CATSPERQ: variants seen among roughly 807,000 people sequenced by gnomAD.
The protein encoded by CATSPERQ is catsper channel auxiliary subunit theta, also known as cation channel sperm-associated auxiliary subunit theta.
chr8:144,354,478 G>T, the CATSPERQ span: 2 of 1,324,960 alleles, frequency 1.5e-6, no homozygotes, highest in Non-Finnish European at 2.0e-6. This position sits in a 1 kb window ranked among gnomAD's most constrained non-coding sequence, Gnocchi z 4.6. Context: ...CAGGAGCACC[G>T]GCCGGCCCCA....
chr8:144,353,686 C>T, the CATSPERQ span: 1 of 1,499,724 alleles, frequency 6.7e-7, no homozygotes, highest in Non-Finnish European at 8.9e-7. Context: ...TGTATTTACC[C>T]TCTGCGTGCG....
the CATSPERQ span, chr8:144,354,246 G>A: frequency 6.5e-6 from 10 of 1,541,462 alleles, no homozygotes; most frequent in East Asian, 1.9e-4. The surrounding 1 kb of genome is among the most constrained non-coding windows in gnomAD (Gnocchi z 4.6). Context: ...CCTCTCTCAG[G>A]GAGCTGAAGC....
chr8:144,354,412 G>T, the CATSPERQ span: 1 of 1,432,920 alleles, frequency 7.0e-7, no homozygotes, highest in Non-Finnish European at 9.4e-7. This position sits in a 1 kb window ranked among gnomAD's most constrained non-coding sequence, Gnocchi z 4.6. Flanking sequence ...GCCCGGACTA[G>T]CTGGGTCCGC....
chr8:144,354,177 C>A, the CATSPERQ span: 48 of 1,539,768 alleles, frequency 3.1e-5, no homozygotes, highest in African/African-American at 6.3e-4. The surrounding 1 kb of genome is among the most constrained non-coding windows in gnomAD (Gnocchi z 4.6). Context: ...AGAGTCTGAG[C>A]GGCGCGGGGC....
chr8:144,353,446 C>G, the CATSPERQ span: 4 of 1,535,954 alleles, frequency 2.6e-6, no homozygotes, highest in Admixed American at 7.8e-5. Context: ...TGGCGAACCA[C>G]GTGCCGGTAG....
At chr8:144,354,211 T>G in the CATSPERQ span, 1 of 1,546,026 alleles carries the variant, frequency 6.5e-7, no homozygotes, top group South Asian at 1.2e-5. The surrounding 1 kb of genome is among the most constrained non-coding windows in gnomAD (Gnocchi z 4.6). Flanking sequence ...AGGAGGGCGG[T>G]GGGGGTCGGG....
chr8:144,354,749 C>T, the CATSPERQ span: 14 of 1,535,344 alleles, frequency 9.1e-6, no homozygotes, highest in South Asian at 1.2e-5. The surrounding 1 kb of genome is among the most constrained non-coding windows in gnomAD (Gnocchi z 4.6). Flanking sequence ...GGCAGGCTGC[C>T]GGCCCGGCCC....
At chr8:144,353,915 C>T in the CATSPERQ span, 2 of 1,528,418 alleles carry the variant, frequency 1.3e-6, no homozygotes, top group Non-Finnish European at 1.8e-6. Context: ...ACCTCCCAAG[C>T]TGCCTCCCCG....
At chr8:144,354,576 C>CCA in the CATSPERQ span, 1 of 597,530 alleles carries the variant, frequency 1.7e-6, no homozygotes, top group African/African-American at 2.0e-5. This position sits in a 1 kb window ranked among gnomAD's most constrained non-coding sequence, Gnocchi z 4.6. Context: ...CCCGCCCTTC[C>CCA]CAGCCCCGCC....
chr8:144,354,756 G>T, the CATSPERQ span: 1 of 1,535,162 alleles, frequency 6.5e-7, no homozygotes. The surrounding 1 kb of genome is among the most constrained non-coding windows in gnomAD (Gnocchi z 4.6). Flanking sequence ...TGCCGGCCCG[G>T]CCCTTAGGCA....
At chr8:144,353,656 C>T in the CATSPERQ span, 1 of 1,463,420 alleles carries the variant, frequency 6.8e-7, no homozygotes, top group Non-Finnish European at 9.2e-7. Context: ...CTCCACGGCC[C>T]CCAGCACCGA....
At chr8:144,353,427 G>A in the CATSPERQ span, 2 of 1,535,936 alleles carry the variant, frequency 1.3e-6, no homozygotes, top group Middle Eastern at 1.7e-4. Context: ...AGCGCCAGGG[G>A]GTGGCCAGTG....
the CATSPERQ span, chr8:144,354,816 C>T: frequency 2.6e-6 from 4 of 1,518,940 alleles, no homozygotes; most frequent in African/African-American, 1.4e-5. This position sits in a 1 kb window ranked among gnomAD's most constrained non-coding sequence, Gnocchi z 4.6. Flanking sequence ...GCTGCCGCCG[C>T]CCACTGCCCA....
At chr8:144,354,420 C>T in the CATSPERQ span, 6 of 1,389,274 alleles carry the variant, frequency 4.3e-6, no homozygotes, top group Middle Eastern at 7.6e-4. This position sits in a 1 kb window ranked among gnomAD's most constrained non-coding sequence, Gnocchi z 4.6. Context: ...TAGCTGGGTC[C>T]GCGCAGGGCT....
At chr8:144,353,755 G>A in the CATSPERQ span, 9 of 1,535,058 alleles carry the variant, frequency 5.9e-6, no homozygotes, top group Non-Finnish European at 7.9e-6. Context: ...CCTGAGGAGG[G>A]CGCGTGTCTG....
chr8:144,354,287 G>A, the CATSPERQ span: 3 of 1,534,524 alleles, frequency 2.0e-6, no homozygotes, highest in African/African-American at 4.1e-5. This position sits in a 1 kb window ranked among gnomAD's most constrained non-coding sequence, Gnocchi z 4.6. Context: ...ATGAAGAGCA[G>A]CATCCCCTTC....
chr8:144,353,419 C>T, the CATSPERQ span: 7 of 1,535,866 alleles, frequency 4.6e-6, 1 homozygote, highest in Non-Finnish European at 3.5e-6. Flanking sequence ...ACAGTGCCAG[C>T]GCCAGGGGGT....
At chr8:144,354,890 C>T in the CATSPERQ span, 2 of 1,423,344 alleles carry the variant, frequency 1.4e-6, no homozygotes, top group African/African-American at 1.4e-5. The surrounding 1 kb of genome is among the most constrained non-coding windows in gnomAD (Gnocchi z 4.6). Flanking sequence ...GGAGCAGGAG[C>T]TCACAGGCGA....
the CATSPERQ span, chr8:144,354,589 G>T: frequency 4.8e-5 from 21 of 440,762 alleles, no homozygotes; most frequent in African/African-American, 8.1e-4. The surrounding 1 kb of genome is among the most constrained non-coding windows in gnomAD (Gnocchi z 4.6). Context: ...GCCCCGCCCC[G>T]CCCCGCCCCG....
Sources: allele counts gnomAD v4.1 joint callset, GRCh38; gene constraint gnomAD v4.1.1; non-coding constraint Gnocchi (gnomAD v3.1); transcripts MANE v1.5; gene names NCBI Gene and HGNC (gene_info 2026-07-23, HGNC 2026-07-21).